Variants in MEOX1 observed in about 807,000 individuals in gnomAD.
The protein encoded by MEOX1 is mesenchyme homeobox 1, also known as homeobox protein MOX-1.
A neutral mutation model predicts 23.2 loss-of-function variants in MEOX1; 17 were observed. The ratio of observed to expected loss-of-function variants is 0.73; its 90% CI spans 0.50 to 1.10. The LOEUF (loss-of-function observed/expected upper bound fraction) is 1.10, where lower values mean the gene tolerates loss of function less well. MEOX1 is among the 50% of genes least tolerant of loss of function. The pLI is 0.00. For missense variants in MEOX1, 333 were observed against 332.2 expected (o/e 1.00, Z -0.02); for synonymous variants, 134 against 135.1 (o/e 0.99, Z 0.06).
rs1251341561 is a variant in MEOX1 at position 43,661,347 on chromosome 17, G to A, written c.188C>T (p.Ser63Leu). 3 of 1,613,416 alleles carry A rather than the reference G, an allele frequency of 1.9e-6. No individual in the cohort carries two copies. The highest frequency in any genetic ancestry group is 2.5e-6 in the Non-Finnish European group (3 of 1,179,700). ...ATATAAYPDF[S>L]ASCLAATPHS... ...TGGGGTGGCTGCCAGGCAGGAGGCT[G>A]AGAAGTCAGGGTACGCTGCCGTCGC... The change falls in exon 1 of 3, where the codon TCA (serine) becomes TTA (leucine). Residue 63 changes from serine to leucine, a missense_variant. Physicochemically the swap from Ser to Leu is moderately radical, Grantham distance 145 (BLOSUM62 -2). Transcript: ENST00000318579.
intron 2 of MEOX1, among the ~76,000 whole-genome samples, chr17:43,642,906 G>A (rs912337003): frequency 6.6e-6 from 1 of 152,198 alleles, no homozygotes; most frequent in South Asian, 2.1e-4. Flanking sequence ...CAACCTAGCT[G>A]CATGTGAGAA....
In MEOX1 at chr17:43,640,712, CA is replaced by C. The variant is rs1379886894; in HGVS notation, c.*1197del. 1 of 152,226 alleles carries C rather than the reference CA, an allele frequency of 6.6e-6. No individual in the cohort carries two copies. Among genetic ancestry groups the C allele is most frequent in the African/African-American group, 2.4e-5 (1 of 41,448 alleles). 9.4% of individuals were successfully genotyped at this position (152,226 alleles called of 1,614,324 possible). On this transcript the variant is annotated 3_prime_UTR_variant, in exon 3 of 3. Transcript: ENST00000318579. ...GCTTCAGTCCCCCATGCTCTTTGGC[CA>C]TCAGTCCTCAAATGTCATCTCCAGA...
Position 43,661,544 on chromosome 17 carries a change from G to A in MEOX1, c.-10C>T, listed in dbSNP as rs781618038. 4.6e-5 allele frequency: 68 copies of A among 1,486,066 alleles called. No homozygotes were observed. Among genetic ancestry groups the A allele is most frequent in the Non-Finnish European group, 6.0e-5 (66 of 1,107,526 alleles). The allele number at this position is 1,486,066 out of a possible 1,614,324, so 92.1% of individuals were successfully genotyped here. On this transcript the variant is annotated 5_prime_UTR_variant, in exon 1 of 3. Transcript: ENST00000318579. ...TGGCCGCGGGATCCATCTGCTGTCCGCTGCACGCCTCGGTCCTTTCAAAGA... is the reference window on the plus strand; with the variant it reads ...TGGCCGCGGGATCCATCTGCTGTCCACTGCACGCCTCGGTCCTTTCAAAGA...
chr17:43,645,539 G>A (rs1371305820), intron 1 of MEOX1, among the ~76,000 whole-genome samples: 1 of 152,184 alleles, frequency 6.6e-6, no homozygotes, highest in East Asian at 1.9e-4. Context: ...ACCGAAACCT[G>A]CGGCCCAACG....
intron 1 of MEOX1, among the ~76,000 whole-genome samples, chr17:43,652,967 G>A (rs186902482): frequency 1.4e-3 from 205 of 151,418 alleles, no homozygotes; most frequent in African/African-American, 4.8e-3. Context: ...AAGTAGCTGG[G>A]ACTACTGGCG....
chr17:43,653,235 G>T (rs1972951510), intron 1 of MEOX1, among the ~76,000 whole-genome samples: 2 of 151,496 alleles, frequency 1.3e-5, no homozygotes, highest in South Asian at 4.2e-4. Context: ...TACCTCCCTG[G>T]TTCAAGCGAT....
At chr17:43,651,335 T>C (rs1972912428) in intron 1 of MEOX1, among the ~76,000 whole-genome samples, 1 of 151,780 alleles carries the variant, frequency 6.6e-6, no homozygotes, top group South Asian at 2.1e-4. Context: ...AAAAGTCTGG[T>C]GCTATAGTCT....
In MEOX1 at chr17:43,653,511, CT is replaced by C. The variant is rs558730946; in HGVS notation, c.469+7554del. Among the ~76,000 whole-genome samples, 393 of 137,874 alleles carry C rather than the reference CT, an allele frequency of 2.9e-3. 2 individuals are homozygous for C. Among genetic ancestry groups the C allele is most frequent in the African/African-American group, 7.0e-3 (263 of 37,430 alleles). The allele number at this position is 137,874 out of a possible 152,430, so 90.5% of individuals were successfully genotyped here. On this transcript the variant is annotated intron_variant, in intron 1 of 2. Transcript: ENST00000318579. Reference sequence around the variant, plus strand: ...AGATTCACTCCTAAAACTGCCTCCACTTTTTTTTTTTTTTTTTGAGACAGAG... The same window carrying C: ...AGATTCACTCCTAAAACTGCCTCCACTTTTTTTTTTTTTTTTGAGACAGAG...
At position 43,641,833 on chromosome 17, in the gene MEOX1, A is replaced by AGG; in HGVS notation, c.*75_*76dup. 2 of 1,437,382 alleles carry AGG rather than the reference A, an allele frequency of 1.4e-6. No homozygotes were observed. The highest frequency in any genetic ancestry group is 2.7e-5 in the South Asian group (2 of 75,352). The allele number at this position is 1,437,382 out of a possible 1,614,324, so 89.0% of individuals were successfully genotyped here. On this transcript the variant is annotated 3_prime_UTR_variant, in exon 3 of 3. Transcript: ENST00000318579. ...AGGCTGCCCTGGCTGGGGAAGGAAGAGGGTGAAGGTGGGATTGGGGTGGGG... is the reference window on the plus strand; with the variant it reads ...AGGCTGCCCTGGCTGGGGAAGGAAGAGGGGGTGAAGGTGGGATTGGGGTGGGG...
chr17:43,652,795 C>T (rs1455362327), intron 1 of MEOX1, among the ~76,000 whole-genome samples: 5 of 146,924 alleles, frequency 3.4e-5, no homozygotes, highest in African/African-American at 1.2e-4. Context: ...TTGGGGTTGT[C>T]CATTTATTTC....
intron 1 of MEOX1, among the ~76,000 whole-genome samples, chr17:43,650,815 C>T (rs1012900841): frequency 6.6e-6 from 1 of 152,144 alleles, no homozygotes; most frequent in Non-Finnish European, 1.5e-5. Context: ...GGAGCCAGCC[C>T]GAGACTGGTT....
Position 43,657,166 on chromosome 17 carries a change from CTTTCTTT to C in MEOX1, c.469+3893_469+3899del, listed in dbSNP as rs1464954016. ...CCTTTCTCTCTCTCTTTCTTTCTTT[CTTTCTTT>C]TTTTTTTTTTTTTTTGATGTAGTCC... On this transcript the variant is annotated intron_variant, in intron 1 of 2. Transcript: ENST00000318579. Among the ~76,000 whole-genome samples the C allele has an allele frequency of 4.9e-4, 40 of 81,172 alleles. 2 individuals carry two copies. Among genetic ancestry groups the C allele is most frequent in the African/African-American group, 7.9e-4 (20 of 25,466 alleles). 53.3% of individuals were successfully genotyped at this position (81,172 alleles called of 152,430 possible).
At chr17:43,653,238 C>T (rs76570147) in intron 1 of MEOX1, among the ~76,000 whole-genome samples, 1 of 150,612 alleles carries the variant, frequency 6.6e-6, no homozygotes. Context: ...CTCCCTGGTT[C>T]AAGCGATTTT....
In MEOX1 at chr17:43,661,531, C is replaced by A. The variant is rs192544910; in HGVS notation, c.4G>T (p.Asp2Tyr). 1 of 1,554,330 alleles carries A rather than the reference C, an allele frequency of 6.4e-7. No homozygotes were observed. Among genetic ancestry groups the A allele is most frequent in the Admixed American group, 2.0e-5 (1 of 49,664 alleles). Residue 2 changes from aspartate to tyrosine, a missense_variant, in exon 1 of 3, where the codon GAT becomes TAT. Coordinates refer to ENST00000318579, the MANE Select transcript of MEOX1 (RefSeq NM_004527.4). Reference protein sequence around the residue: MDPAASSCMRSL... With the variant: MYPAASSCMRSL... ...CTCATGCAGCTGCTGGCCGCGGGAT[C>A]CATCTGCTGTCCGCTGCACGCCTCG...
intron 1 of MEOX1, among the ~76,000 whole-genome samples, chr17:43,654,661 T>A (rs1435774148): frequency 6.6e-6 from 1 of 152,146 alleles, no homozygotes; most frequent in African/African-American, 2.4e-5. Flanking sequence ...GTCTCTATAT[T>A]TTATTCTAAT....
intron 1 of MEOX1, among the ~76,000 whole-genome samples, chr17:43,652,295 C>A (rs1972932852): frequency 6.6e-6 from 1 of 152,168 alleles, no homozygotes; most frequent in East Asian, 1.9e-4. Flanking sequence ...AAGCCAGTAG[C>A]ATCGTCAGAG....
intron 1 of MEOX1, among the ~76,000 whole-genome samples, chr17:43,648,557 C>T (rs2154588852): frequency 6.6e-6 from 1 of 152,116 alleles, no homozygotes; most frequent in East Asian, 1.9e-4. Flanking sequence ...GTTAGGGAGG[C>T]TTCCTCTCCT....
rs1567748423 is a variant in MEOX1 at position 43,657,059 on chromosome 17, C to CTTTCTTTCT, written c.469+4006_469+4007insAGAAAGAAA. On this transcript the variant is annotated intron_variant, in intron 1 of 2. Transcript: ENST00000318579. ...CTTTCTTTCTTTCTTTCTTTCTTTC[C>CTTTCTTTCT]TTCCTTCCTTCTTTCTTTCTTTTCT... Among the ~76,000 whole-genome samples the CTTTCTTTCT allele has an allele frequency of 5.0e-4, 24 of 48,408 alleles. 3 individuals carry two copies. In the East Asian group the frequency reaches 5.4e-3, roughly 11 times the overall value. The allele number at this position is 48,408 out of a possible 152,430, so 31.8% of individuals were successfully genotyped here. A position where few individuals can be genotyped will look rare whatever the true frequency, so the allele number is the denominator to read the frequency against.
chr17:43,645,343 A>AT (rs1356253498), intron 1 of MEOX1, among the ~76,000 whole-genome samples: 4 of 151,452 alleles, frequency 2.6e-5, no homozygotes, highest in East Asian at 2.0e-4. Flanking sequence ...CGCCCGGCAA[A>AT]TTTTTTTGTA....
Sources: gnomAD v4.1 joint callset for allele counts (sites outside exome capture counted in the v4.1 genomes callset) on GRCh38, gnomAD v4.1.1 for gene constraint, MANE v1.5 for transcripts, NCBI Gene and HGNC (gene_info 2026-07-23, HGNC 2026-07-21) for gene names.